Variants in EHBP1 observed in about 807,000 individuals in gnomAD.
The protein encoded by EHBP1 is EH domain binding protein 1.
A neutral mutation model predicts 144.0 loss-of-function variants in EHBP1; 55 were observed. That is an observed-to-expected ratio of 0.38 (90% CI 0.31 to 0.48). The LOEUF (loss-of-function observed/expected upper bound fraction) is 0.48. Among genes scored for constraint, EHBP1 ranks in the 20% least tolerant of loss-of-function variants. The pLI is 0.98. For synonymous variants in EHBP1, 469 were observed against 472.7 expected (o/e 0.99, Z 0.10); for missense variants, 1,200 against 1,364.2 (o/e 0.88, Z 1.90).
chr2:62,677,085 G>A (rs887065739), intron 1 of EHBP1, among the ~76,000 whole-genome samples: 1 of 152,116 alleles, frequency 6.6e-6, no homozygotes, highest in African/African-American at 2.4e-5. Context: ...AGGTAGAGCT[G>A]GGGGGCAAGG....
At chr2:62,885,134 T>C (rs1276466304) in intron 10 of EHBP1, among the ~76,000 whole-genome samples, 1 of 152,210 alleles carries the variant, frequency 6.6e-6, no homozygotes, top group Non-Finnish European at 1.5e-5. Context: ...GGTGGCAAAG[T>C]GTTCACTGTC....
intron 1 of EHBP1, among the ~76,000 whole-genome samples, chr2:62,689,100 T>G (rs1336078257): frequency 6.6e-6 from 1 of 152,214 alleles, no homozygotes; most frequent in Non-Finnish European, 1.5e-5. Flanking sequence ...CACAAATATT[T>G]TAAAAATTAG....
chr2:62,765,071 G>C (rs2041069579), intron 4 of EHBP1, among the ~76,000 whole-genome samples: 1 of 152,000 alleles, frequency 6.6e-6, no homozygotes, highest in Admixed American at 6.6e-5. Flanking sequence ...TTAGTGCAGT[G>C]CTAAGAAAGG....
chr2:62,842,348 G>T (rs549661378), intron 7 of EHBP1, among the ~76,000 whole-genome samples: 1 of 152,248 alleles, frequency 6.6e-6, no homozygotes, highest in East Asian at 1.9e-4. Flanking sequence ...TCCTCCCAAA[G>T]TGCTGAGATT....
At chr2:63,038,706 T>TA in intron 20 of EHBP1, 37 bp from the exon 21 acceptor site, 1 of 1,569,618 alleles carries the variant, frequency 6.4e-7, no homozygotes, top group East Asian at 2.2e-5. Context: ...AATGATTTAG[T>TA]AATTAGCATA....
At chr2:62,872,536 A>G (rs1257000234) in intron 9 of EHBP1, among the ~76,000 whole-genome samples, 8 of 152,158 alleles carry the variant, frequency 5.3e-5, no homozygotes, top group Admixed American at 4.6e-4. Context: ...TGTTCACACA[A>G]TACTATCTCT....
chr2:62,942,573 G>T, intron 10 of EHBP1, 145 bp from the exon 11 acceptor site: 1 of 598,018 alleles, frequency 1.7e-6, no homozygotes, highest in Non-Finnish European at 2.6e-6. Flanking sequence ...TCTCCCTCTT[G>T]GAGGTTACAG....
intron 10 of EHBP1, among the ~76,000 whole-genome samples, chr2:62,926,752 C>G (rs960722882): frequency 1.3e-5 from 2 of 151,928 alleles, no homozygotes; most frequent in African/African-American, 4.8e-5. Flanking sequence ...GGAATGCAAG[C>G]CACTATAGCC....
chr2:62,825,833 G>C (rs1248320568), intron 5 of EHBP1, among the ~76,000 whole-genome samples: 1 of 151,904 alleles, frequency 6.6e-6, no homozygotes, highest in African/African-American at 2.4e-5. Context: ...TCCTTTTCTG[G>C]TGTTTAGGGT....
At chr2:62,739,384 G>C (rs1161743990) in intron 2 of EHBP1, among the ~76,000 whole-genome samples, 1 of 150,872 alleles carries the variant, frequency 6.6e-6, no homozygotes, top group African/African-American at 2.4e-5. Flanking sequence ...CAGATTGATA[G>C]ATTCTTTTTT....
intron 15 of EHBP1, among the ~76,000 whole-genome samples, chr2:62,984,685 T>C (rs555600327): frequency 6.6e-6 from 1 of 152,308 alleles, no homozygotes; most frequent in East Asian, 1.9e-4. Flanking sequence ...CAAAAGAAAG[T>C]AGAAACCCAT....
At chr2:62,754,094 C>T (rs548745850) in intron 3 of EHBP1, among the ~76,000 whole-genome samples, 1 of 152,300 alleles carries the variant, frequency 6.6e-6, no homozygotes, top group African/African-American at 2.4e-5. Flanking sequence ...TTCAGCTCTT[C>T]TGCTCTGTTT....
At chr2:62,750,836 G>A (rs547749230) in intron 3 of EHBP1, among the ~76,000 whole-genome samples, 10 of 152,216 alleles carry the variant, frequency 6.6e-5, no homozygotes, top group Admixed American at 3.3e-4. Context: ...TTGATTTTGT[G>A]TCCTGAGACT....
chr2:62,811,887 A>G (rs2045039965), intron 5 of EHBP1, among the ~76,000 whole-genome samples: 1 of 152,210 alleles, frequency 6.6e-6, no homozygotes, highest in Admixed American at 6.5e-5. Flanking sequence ...TTTTAAGTCC[A>G]GTGCTGTGGT....
rs530643737 is a variant in EHBP1, at chr2:62,711,402, T to C, written c.104+4107T>C. Among the ~76,000 whole-genome samples, 3 of 152,294 alleles carry C rather than the reference T, an allele frequency of 2.0e-5. No homozygotes were observed. The East Asian group carries it at 5.8e-4, about 29-fold the overall frequency. On this transcript the variant is annotated intron_variant, in intron 2 of 22. Coordinates refer to ENST00000431489, the MANE Select transcript of EHBP1 (RefSeq NM_001142616.3). ...TTTGGCCTGAGCAACCAGGTGAATG[T>C]AATATTAATTGAAGGGATAGGGGAA... is the stretch of plus-strand genomic sequence containing the variant.
At chr2:62,837,551 G>A (rs920183954) in intron 7 of EHBP1, among the ~76,000 whole-genome samples, 1 of 151,908 alleles carries the variant, frequency 6.6e-6, no homozygotes, top group Non-Finnish European at 1.5e-5. Context: ...TGGCAAATTG[G>A]ATAAAGAGTC....
chr2:62,972,596 AT>A (rs1410178493), intron 14 of EHBP1, among the ~76,000 whole-genome samples: 1 of 152,094 alleles, frequency 6.6e-6, no homozygotes, highest in African/African-American at 2.4e-5. Flanking sequence ...ATTAACTTTT[AT>A]TTTCTCAGTT....
At chr2:62,824,393 G>A (rs2046198088) in intron 5 of EHBP1, among the ~76,000 whole-genome samples, 1 of 151,788 alleles carries the variant, frequency 6.6e-6, no homozygotes, top group Non-Finnish European at 1.5e-5. Flanking sequence ...TATTCTAAAG[G>A]TACAATGAGA....
chr2:62,684,493 T>C (rs949523127), intron 1 of EHBP1, among the ~76,000 whole-genome samples: 2 of 152,082 alleles, frequency 1.3e-5, no homozygotes, highest in African/African-American at 4.8e-5. Context: ...AAGGGTAAAA[T>C]TAGGTTTCTT....
Sources: allele counts gnomAD v4.1 joint callset (sites outside exome capture counted in the v4.1 genomes callset), GRCh38; gene constraint gnomAD v4.1.1; transcripts MANE v1.5; gene names NCBI Gene and HGNC (gene_info 2026-07-23, HGNC 2026-07-21).